BRCA1: variants seen among roughly 807,000 people sequenced by gnomAD.
BRCA1 encodes the protein BRCA1 DNA repair associated.
Under a neutral mutation model 173.7 loss-of-function variants are expected in BRCA1, and 140 were observed. The observed-to-expected ratio is 0.81, with a 90% CI of 0.70 to 0.93. The LOEUF (loss-of-function observed/expected upper bound fraction) is 0.93, where lower values mean the gene tolerates loss of function less well. Among genes scored for constraint, BRCA1 ranks in the 40% least tolerant of loss-of-function variants. The pLI, the probability that BRCA1 is intolerant of heterozygous loss-of-function variation, is 0.00. For missense variants in BRCA1, 1,983 were observed against 2,172.5 expected (o/e 0.91, Z 1.73); for synonymous variants, 662 against 756.0 (o/e 0.88, Z 2.04).
intron 12 of BRCA1, among the ~76,000 whole-genome samples, chr17:43,077,334 T>C (rs1245720311): frequency 1.5e-5 from 2 of 132,964 alleles, no homozygotes; most frequent in Non-Finnish European, 3.3e-5. Context: ...GCATGTTAGT[T>C]CTTTTTTTTT....
At chr17:43,159,069 C>T (rs1482252274) in intron 1 of BRCA1, among the ~76,000 whole-genome samples, 1 of 152,074 alleles carries the variant, frequency 6.6e-6, no homozygotes, top group Non-Finnish European at 1.5e-5. Flanking sequence ...AACCCTATAT[C>T]TACAAACACA....
At chr17:43,161,973 C>G (rs1340464117) in intron 1 of BRCA1, 2 of 152,182 alleles carry the variant, frequency 1.3e-5, no homozygotes, top group South Asian at 4.1e-4. Flanking sequence ...AACACTGGCT[C>G]AAGAGAGCAT....
chr17:43,161,421 A>G (rs1443618653), intron 1 of BRCA1: 2 of 152,218 alleles, frequency 1.3e-5, no homozygotes, highest in Non-Finnish European at 1.5e-5. Context: ...TAGACAGGGA[A>G]GCCCAGGAGT....
In BRCA1 at chr17:43,119,415, G is replaced by A. The variant is rs140591536; in HGVS notation, c.81-3636C>T. The stretch of plus-strand genomic sequence containing the variant: ...AAAAGAAAAACAATGAACTAAGTCA[G>A]GAGGCTGGGTTTCTACTACCAGTTG... On this transcript the variant is annotated intron_variant, in intron 2 of 22. Coordinates refer to ENST00000357654, the MANE Select transcript of BRCA1 (RefSeq NM_007294.4). The A allele has an allele frequency of 5.1e-4, 117 of 228,414 alleles. 2 individuals carry two copies. The highest frequency in any genetic ancestry group is 2.5e-3 in the African/African-American group (111 of 45,166). 14.1% of individuals were successfully genotyped at this position (228,414 alleles called of 1,614,324 possible).
At chr17:43,128,680 A>G (rs1158643421), upstream of BRCA1, among the ~76,000 whole-genome samples, 1 of 152,158 alleles carries the variant, frequency 6.6e-6, no homozygotes, top group African/African-American at 2.4e-5. Context: ...CAAGTTAAAA[A>G]ATGACACTAC....
chr17:43,120,550 G>A (rs1160592806), intron 2 of BRCA1, among the ~76,000 whole-genome samples: 1 of 152,106 alleles, frequency 6.6e-6, no homozygotes, highest in Non-Finnish European at 1.5e-5. Context: ...CGGATCACGA[G>A]GTCAGGAAGT....
chr17:43,077,860 C>T (rs868117787), intron 12 of BRCA1, among the ~76,000 whole-genome samples: 1 of 152,132 alleles, frequency 6.6e-6, no homozygotes, highest in African/African-American at 2.4e-5. Context: ...CTCAGCCTCC[C>T]AAGTAGTTGG....
intron 3 of BRCA1, among the ~76,000 whole-genome samples, chr17:43,108,835 A>G (rs897344004): frequency 3.3e-5 from 5 of 152,024 alleles, no homozygotes; most frequent in African/African-American, 1.2e-4. Context: ...TCTACTAAAA[A>G]TACAAAAATT....
In BRCA1 at chr17:43,093,229, T is replaced by C. The variant is rs398122656; in HGVS notation, c.2302A>G (p.Ser768Gly). The change falls in exon 10 of 23, where the codon AGT becomes GGT. Residue 768 changes from serine to glycine, a missense_variant. Transcript: ENST00000357654. ...TCAGTACCAGGTACCAATGAAATAC[T>C]GCTACTCTCTACAGATCTTTCAGTT... ...LQTERSVESS[S>G]ISLVPGTDYG... is the part of the protein sequence containing the mutation. 2.5e-6 allele frequency: 4 copies of C among 1,614,086 alleles called. No individual in the cohort carries two copies. The East Asian group carries it at 6.7e-5, about 27-fold the overall frequency.
At chr17:43,166,850 G>A (rs1222698956) in intron 1 of BRCA1, 1 of 152,084 alleles carries the variant, frequency 6.6e-6, no homozygotes. Flanking sequence ...AAATGGAGTA[G>A]GCAAGTTCCC....
Position 43,094,575 on chromosome 17 carries a change from T to C in BRCA1, c.956A>G (p.Asn319Ser), listed in dbSNP as rs397507258. The C allele has an allele frequency of 6.2e-7, 1 of 1,614,204 alleles. No homozygotes were observed. Among genetic ancestry groups the C allele is most frequent in the African/African-American group, 1.3e-5 (1 of 75,056 alleles). The change falls in exon 10 of 23, where the codon AAC (asparagine) becomes AGC (serine). Residue 319 changes from asparagine (N) to serine (S), a missense_variant. By Grantham distance (46) the Asn-to-Ser change is conservative. Transcript: ENST00000357654. ...TGTTTCCTTACTTCCAGCCCATCTG[T>C]TATGTTGGCTCCTTGCTAAGCCAGG... ...KQPGLARSQHNRWAGSKETCN... is the reference protein window; with the variant it reads ...KQPGLARSQHSRWAGSKETCN...
intron 21 of BRCA1, 132 bp from the exon 22 acceptor site, chr17:43,047,835 G>A: frequency 1.1e-6 from 1 of 893,682 alleles, no homozygotes; most frequent in South Asian, 1.4e-5. Flanking sequence ...GCAGTGGTGT[G>A]ATCTCAGCTC....
At chr17:43,076,906 T>C (rs940490357) in intron 12 of BRCA1, among the ~76,000 whole-genome samples, 1 of 152,132 alleles carries the variant, frequency 6.6e-6, no homozygotes, top group Non-Finnish European at 1.5e-5. Context: ...CTATATTCCT[T>C]GGCCCTGAAT....
intron 6 of BRCA1, among the ~76,000 whole-genome samples, chr17:43,102,574 C>G (rs1464524679): frequency 6.6e-6 from 1 of 151,686 alleles, no homozygotes; most frequent in Non-Finnish European, 1.5e-5. Context: ...CCAGGGTGGT[C>G]TCAATCTCCT....
intron 21 of BRCA1, among the ~76,000 whole-genome samples, chr17:43,048,609 C>T (rs111562683): frequency 7.9e-5 from 12 of 151,582 alleles, no homozygotes; most frequent in South Asian, 2.1e-4. Flanking sequence ...CTGCCTCCCA[C>T]GTTCAAGCGA....
At chr17:43,116,580 G>A (rs2055306057) in intron 2 of BRCA1, among the ~76,000 whole-genome samples, 1 of 152,132 alleles carries the variant, frequency 6.6e-6, no homozygotes, top group Non-Finnish European at 1.5e-5. Flanking sequence ...ATGCAATGGT[G>A]CGATCTCGGC....
At chr17:43,153,864 T>C (rs1370845752) in intron 1 of BRCA1, among the ~76,000 whole-genome samples, 1 of 152,174 alleles carries the variant, frequency 6.6e-6, no homozygotes, top group East Asian at 1.9e-4. Context: ...AACAGTGTAG[T>C]AGGTACTCAC....
intron 1 of BRCA1, chr17:43,163,579 G>A (rs970364366): frequency 1.3e-5 from 2 of 152,156 alleles, no homozygotes; most frequent in African/African-American, 2.4e-5. Context: ...GGCTTCTCTC[G>A]CTTTACAATG....
In BRCA1 at chr17:43,051,659, C is replaced by T. The variant is rs139210193; in HGVS notation, c.5278-542G>A. On this transcript the variant is annotated intron_variant, in intron 19 of 22. Transcript: ENST00000357654. ...CTGACTTTTTTTTTTTTTTTTGAGA[C>T]GGAGTCTCTCTCTGTCACCTAGGCT... is the stretch of plus-strand genomic sequence containing the variant. Among the ~76,000 whole-genome samples, 561 of 147,236 alleles carry T rather than the reference C, an allele frequency of 3.8e-3. 2 individuals carry two copies. The highest frequency in any genetic ancestry group is 6.9e-3 in the Admixed American group (101 of 14,636).
Sources: allele counts gnomAD v4.1 joint callset (sites outside exome capture counted in the v4.1 genomes callset), GRCh38; gene constraint gnomAD v4.1.1; transcripts MANE v1.5; gene names NCBI Gene and HGNC (gene_info 2026-07-23, HGNC 2026-07-21).